The following RIC8A variants were observed in gnomAD, a reference collection of about 807,000 sequenced individuals.
RIC8A encodes the protein chaperone Ric-8A.
In RIC8A, 37 loss-of-function variants were observed where a neutral mutation model predicts 48.4. That is an observed-to-expected ratio of 0.77 (90% CI 0.59 to 1.01). RIC8A has a LOEUF of 1.01. Ranked by LOEUF, RIC8A falls within the 50% of genes least tolerant of loss-of-function variation. The pLI is 0.00. For missense variants in RIC8A, 681 were observed against 696.8 expected (o/e 0.98, Z 0.25); for synonymous variants, 288 against 283.4 (o/e 1.02, Z -0.16).
Position 214,965 on chromosome 11 carries a change from T to A in RIC8A, c.*615T>A. 1 of 170,804 alleles carries A rather than the reference T, an allele frequency of 5.9e-6. No homozygotes were observed. Among genetic ancestry groups the A allele is most frequent in the Non-Finnish European group, 1.3e-5 (1 of 77,702 alleles). 10.6% of individuals were successfully genotyped at this position (170,804 alleles called of 1,614,324 possible). A position where few individuals can be genotyped will look rare whatever the true frequency, so the allele number is the denominator to read the frequency against. On this transcript the variant is annotated 3_prime_UTR_variant, in exon 10 of 10. Coordinates refer to ENST00000526104, the MANE Select transcript of RIC8A (RefSeq NM_001286134.2). Reference sequence around the variant, plus strand: ...CACAGTGCCCGAGTTCTCGCTGGTTTTGGCAATTAAACCTCCTTCCTACTG... The same window carrying A: ...CACAGTGCCCGAGTTCTCGCTGGTTATGGCAATTAAACCTCCTTCCTACTG...
In RIC8A at chr11:211,338, C is replaced by T. The variant is rs745874293; in HGVS notation, c.958C>T (p.Arg320Cys). ...IRALLIFLEK[R>C]LHKTHRLKES... The stretch of plus-strand genomic sequence containing the variant: ...TGCCCTCCTCATCTTCCTAGAGAAG[C>T]GTTTGCACAAGGTAGGCTGGGGATG... The change falls in exon 5 of 10, where the codon CGT becomes TGT. Residue 320 changes from arginine to cysteine, a missense_variant. Arg to Cys is a radical substitution (Grantham distance 180). Coordinates refer to ENST00000526104, the MANE Select transcript of RIC8A (RefSeq NM_001286134.2). This position sits in a 1 kb window ranked among gnomAD's most constrained non-coding sequence, Gnocchi z 4.0. 10 of 1,613,644 alleles carry T rather than the reference C, an allele frequency of 6.2e-6. No homozygotes were observed. Among genetic ancestry groups the T allele is most frequent in the Non-Finnish European group, 8.5e-6 (10 of 1,179,720 alleles).
Position 210,768 on chromosome 11 carries a change from T to C in RIC8A, c.818+106T>C. On this transcript the variant is annotated intron_variant, in intron 4 of 9. Transcript: ENST00000526104. ...CCACCTGAGAGCCCAGGCCCCACCC[T>C]AGAGAGTCTGACGTTGTCTGGGTGA... 3 of 1,038,414 alleles carry C rather than the reference T, an allele frequency of 2.9e-6. No homozygotes were observed. In the South Asian group the frequency reaches 3.9e-5, roughly 13 times the overall value. 64.3% of individuals were successfully genotyped at this position (1,038,414 alleles called of 1,614,324 possible).
intron 4 of RIC8A, chr11:210,888 T>C (rs1051475977): frequency 2.0e-5 from 12 of 606,046 alleles, no homozygotes; most frequent in Non-Finnish European, 3.2e-5. Context: ...GGCACATTGG[T>C]TCCTTGTCCC....
Position 214,441 on chromosome 11 carries a change from G to C in RIC8A, c.*91G>C, listed in dbSNP as rs755492579. ...AACCTGGGGAAGCCACATCCCACTG[G>C]ATCCACACCCGCCCCCACTTCTCCA... On this transcript the variant is annotated 3_prime_UTR_variant, in exon 10 of 10. Coordinates refer to ENST00000526104, the MANE Select transcript of RIC8A (RefSeq NM_001286134.2). 2.1e-6 allele frequency: 3 copies of C among 1,460,180 alleles called. No individual in the cohort carries two copies. In the East Asian group the frequency reaches 7.4e-5, roughly 36 times the overall value. 90.5% of individuals were successfully genotyped at this position (1,460,180 alleles called of 1,614,324 possible). A position where few individuals can be genotyped will look rare whatever the true frequency, so the allele number is the denominator to read the frequency against.
rs1286333564 is a variant in RIC8A at position 214,754 on chromosome 11, T to A, written c.*404T>A. Reference sequence around the variant, plus strand: ...GGGATTGGCACACTGGCAGAGCCAGTGTGTTGGGGTATGTGCTGCACTTCC... The same window carrying A: ...GGGATTGGCACACTGGCAGAGCCAGAGTGTTGGGGTATGTGCTGCACTTCC... On this transcript the variant is annotated 3_prime_UTR_variant, in exon 10 of 10. Transcript: ENST00000526104. 1 of 357,324 alleles carries A rather than the reference T, an allele frequency of 2.8e-6. No individual in the cohort carries two copies. The highest frequency in any genetic ancestry group is 5.5e-6 in the Non-Finnish European group (1 of 182,982). 22.1% of individuals were successfully genotyped at this position (357,324 alleles called of 1,614,324 possible). A position where few individuals can be genotyped will look rare whatever the true frequency, so the allele number is the denominator to read the frequency against.
Position 209,287 on chromosome 11 carries a change from C to A in RIC8A, c.101C>A (p.Thr34Lys). The A allele has an allele frequency of 1.2e-6, 2 of 1,614,008 alleles. No homozygotes were observed. The highest frequency in any genetic ancestry group is 1.7e-6 in the Non-Finnish European group (2 of 1,179,912). ...SYNQEHSQSF[T>K]FDDAQQEDRK... The stretch of plus-strand genomic sequence containing the variant: ...TCTCTGCAGCACTCCCAGAGCTTCA[C>A]GTTTGATGATGCCCAACAGGAGGAC... The change falls in exon 2 of 10, where the codon ACG becomes AAG. Residue 34 changes from threonine to lysine, a missense_variant. Thr to Lys is a moderately conservative substitution (Grantham distance 78). Transcript: ENST00000526104.
Position 208,562 on chromosome 11 carries a change from G to T in RIC8A, c.-293G>T, listed in dbSNP as rs1347714697. The T allele has an allele frequency of 6.1e-6, 2 of 328,024 alleles. No individual in the cohort carries two copies. Among genetic ancestry groups the T allele is most frequent in the African/African-American group, 2.2e-5 (1 of 45,240 alleles). The allele number at this position is 328,024 out of a possible 1,614,324, so 20.3% of individuals were successfully genotyped here. ...ACGGTGGGGGCTGAGATCGTTTCCT[G>T]TTGGAACTTCTGGCCCAAGAAGCGC... On this transcript the variant is annotated 5_prime_UTR_variant, in exon 1 of 10. Transcript: ENST00000526104. This position sits in a 1 kb window ranked among gnomAD's most constrained non-coding sequence, Gnocchi z 4.8.
At position 211,837 on chromosome 11, in the gene RIC8A, C is replaced by A; in HGVS notation, c.969+488C>A. On this transcript the variant is annotated intron_variant, in intron 5 of 9. Transcript: ENST00000526104. This position sits in a 1 kb window ranked among gnomAD's most constrained non-coding sequence, Gnocchi z 4.0. ...TACAATAAACCGAGATTTAGTAGAC[C>A]TCCTGGGAATCTACCTGCCTAAGCA... 1 of 161,804 alleles carries A rather than the reference C, an allele frequency of 6.2e-6. No individual in the cohort carries two copies. Among genetic ancestry groups the A allele is most frequent in the East Asian group, 1.8e-4 (1 of 5,556 alleles). The allele number at this position is 161,804 out of a possible 1,614,324, so 10.0% of individuals were successfully genotyped here. A position where few individuals can be genotyped will look rare whatever the true frequency, so the allele number is the denominator to read the frequency against.
chr11:214,701 G>A lies in RIC8A; in HGVS notation c.*351G>A, dbSNP rs1426270158. 3.7e-5 allele frequency: 14 copies of A among 381,948 alleles called. No individual in the cohort carries two copies. The highest frequency in any genetic ancestry group is 2.5e-4 in the South Asian group (12 of 47,650). The allele number at this position is 381,948 out of a possible 1,614,324, so 23.7% of individuals were successfully genotyped here. ...CATATGGGAGGGCAGGGGTTTGGGTGTGGGTGCACACAAAGCAAGCACCAT... is the reference window on the plus strand; with the variant it reads ...CATATGGGAGGGCAGGGGTTTGGGTATGGGTGCACACAAAGCAAGCACCAT... On this transcript the variant is annotated 3_prime_UTR_variant, in exon 10 of 10. Coordinates refer to ENST00000526104, the MANE Select transcript of RIC8A (RefSeq NM_001286134.2).
rs1237294700 is a variant in RIC8A, at chr11:209,853, T to C, written c.579T>C (p.Thr193=). The part of the protein sequence containing the change: ...FQELKGVRLL[T]DTLELTLGVT... ...AGCTGAAAGGAGTGCGCCTGCTAAC[T>C]GACACACTGGAGCTGACGCTGGGGG... The change falls in exon 3 of 10, where the codon ACT becomes ACC. Residue 193 remains threonine (T), a synonymous_variant. Transcript: ENST00000526104. The C allele has an allele frequency of 1.2e-6, 2 of 1,613,358 alleles. No individual in the cohort carries two copies. The highest frequency in any genetic ancestry group is 8.5e-7 in the Non-Finnish European group (1 of 1,180,012).
Position 211,187 on chromosome 11 carries a change from A to G in RIC8A, c.819-12A>G, listed in dbSNP as rs371284161. ...TAGCCCTGTTGAAACCCCTACCTCC[A>G]TCTGTCCCCAGCCACGCAGTGAACC... On this transcript the variant is annotated splice_polypyrimidine_tract_variant and intron_variant, in intron 4 of 9. Coordinates refer to ENST00000526104, the MANE Select transcript of RIC8A (RefSeq NM_001286134.2). The surrounding 1 kb of genome is among the most constrained non-coding windows in gnomAD (Gnocchi z 4.0). The G allele has an allele frequency of 6.2e-7, 1 of 1,609,704 alleles. No individual in the cohort carries two copies. Among genetic ancestry groups the G allele is most frequent in the Admixed American group, 1.7e-5 (1 of 59,502 alleles).
chr11:210,836 C>T (rs1855339196), intron 4 of RIC8A, 174 bp downstream of exon 4: 6 of 656,644 alleles, frequency 9.1e-6, no homozygotes, highest in South Asian at 5.5e-5. Context: ...AGGAATGTGC[C>T]AACTGGGCCT....
chr11:212,035 T>G, intron 5 of RIC8A: 1 of 277,278 alleles, frequency 3.6e-6, no homozygotes, highest in Non-Finnish European at 7.1e-6. Context: ...GAGCGGGGAT[T>G]CGGTTCTCGT....
intron 6 of RIC8A, 42 bp from the exon 7 acceptor site, chr11:212,573 T>C: frequency 6.2e-7 from 1 of 1,613,138 alleles, no homozygotes; most frequent in Non-Finnish European, 8.5e-7. Context: ...CACAGACCCT[T>C]GGCTGCTCTA....
chr11:213,212 C>A (rs765673991), intron 8 of RIC8A, 87 bp from the exon 9 acceptor site: 120 of 1,574,498 alleles, frequency 7.6e-5, no homozygotes, highest in Non-Finnish European at 9.9e-5. Context: ...GCCTTGCCCA[C>A]CTCACCCCAC....
At position 214,275 on chromosome 11, in the gene RIC8A, T is replaced by G; in HGVS notation, c.1521T>G (p.Leu507=). The part of the protein sequence containing the change: ...QPMGMSPRGH[L]TSLQDAMCET... ...TGGGGATGAGTCCCCGGGGTCATCT[T>G]ACGTCCCTGCAGGATGCCATGTGCG... The change falls in exon 10 of 10, where the codon CTT becomes CTG. Residue 507 remains leucine, a synonymous_variant. Coordinates refer to ENST00000526104, the MANE Select transcript of RIC8A (RefSeq NM_001286134.2). 6.2e-7 allele frequency: 1 copy of G among 1,613,826 alleles called. No individual in the cohort carries two copies. The highest frequency in any genetic ancestry group is 8.5e-7 in the Non-Finnish European group (1 of 1,179,918).
In RIC8A at chr11:209,655, C is replaced by G. The variant is rs753331678; in HGVS notation, c.381C>G (p.Ser127Arg). 1.4e-5 allele frequency: 23 copies of G among 1,613,998 alleles called. No individual in the cohort carries two copies. In the South Asian group the frequency reaches 2.5e-4, roughly 18 times the overall value. The change falls in exon 3 of 10, where the codon AGC becomes AGG. Residue 127 changes from serine to arginine, a missense_variant. By Grantham distance (110) the Ser-to-Arg change is moderately radical (BLOSUM62 -1). Coordinates refer to ENST00000526104, the MANE Select transcript of RIC8A (RefSeq NM_001286134.2). ...AGTGCCTGTGCAACCTCGTGCTCAG[C>G]AGCCCTGTGGCACAGATGCTGGCAG... The part of the protein sequence containing the change: ...SLKCLCNLVL[S>R]SPVAQMLAAE...
chr11:208,688 C>CTTAAAGCGCCACCAGACGCTGCGCCCCG lies in RIC8A; in HGVS notation c.-147_-120dup, dbSNP rs375785098. 6 of 530,024 alleles carry CTTAAAGCGCCACCAGACGCTGCGCCCCG rather than the reference C, an allele frequency of 1.1e-5. No homozygotes were observed. The highest frequency in any genetic ancestry group is 8.0e-5 in the South Asian group (3 of 37,380). The allele number at this position is 530,024 out of a possible 1,614,324, so 32.8% of individuals were successfully genotyped here. On this transcript the variant is annotated 5_prime_UTR_variant, in exon 1 of 10. Coordinates refer to ENST00000526104, the MANE Select transcript of RIC8A (RefSeq NM_001286134.2). The surrounding 1 kb of genome is among the most constrained non-coding windows in gnomAD (Gnocchi z 4.8). ...CCAGTTCTGCCTCAGGCCGCGCCCC[C>CTTAAAGCGCCACCAGACGCTGCGCCCCG]TTAAAGCGCCACCAGACGCTGCGCC...
At position 211,367 on chromosome 11, in the gene RIC8A, G is replaced by A. The variant is rs537638200; in HGVS notation, c.969+18G>A. 2.5e-6 allele frequency: 4 copies of A among 1,609,556 alleles called. No individual in the cohort carries two copies. Among genetic ancestry groups the A allele is most frequent in the Admixed American group, 3.3e-5 (2 of 59,742 alleles). On this transcript the variant is annotated intron_variant, in intron 5 of 9. Coordinates refer to ENST00000526104, the MANE Select transcript of RIC8A (RefSeq NM_001286134.2). This position sits in a 1 kb window ranked among gnomAD's most constrained non-coding sequence, Gnocchi z 4.0. ...TGCACAAGGTAGGCTGGGGATGGCTGTGCAGGCTCCCCCAGTGGCTCTGGC... is the reference window on the plus strand; with the variant it reads ...TGCACAAGGTAGGCTGGGGATGGCTATGCAGGCTCCCCCAGTGGCTCTGGC...
Sources: gnomAD v4.1 joint callset for allele counts on GRCh38, gnomAD v4.1.1 for gene constraint, Gnocchi (gnomAD v3.1) non-coding constraint, MANE v1.5 for transcripts, NCBI Gene and HGNC (gene_info 2026-07-23, HGNC 2026-07-21) for gene names.